Variants in CDC25C observed in about 807,000 individuals in gnomAD.
The protein encoded by CDC25C is M-phase inducer phosphatase 3.
In CDC25C, 48 loss-of-function variants were observed where a neutral mutation model predicts 52.5. That is an observed-to-expected ratio of 0.91 (90% CI 0.72 to 1.16). The LOEUF (loss-of-function observed/expected upper bound fraction) is 1.16, where lower values mean the gene tolerates loss of function less well. CDC25C is among the 50% of genes most tolerant of loss of function. The pLI, the probability that CDC25C is intolerant of heterozygous loss-of-function variation, is 0.00. For synonymous variants in CDC25C, 187 were observed against 206.5 expected, an observed-to-expected ratio of 0.91 and a Z score of 0.81; for missense variants, 510 against 566.1, an observed-to-expected ratio of 0.90 and a Z score of 1.01.
At position 138,338,096 on chromosome 5, in the gene CDC25C, C is replaced by A. The variant is rs1000431470; in HGVS notation, c.-128G>T. 3.1e-6 allele frequency: 4 copies of A among 1,289,688 alleles called. No homozygotes were observed. In the African/African-American group the frequency reaches 6.1e-5, roughly 20 times the overall value. 79.9% of individuals were successfully genotyped at this position (1,289,688 alleles called of 1,614,324 possible). On this transcript the variant is annotated 5_prime_UTR_variant, in exon 1 of 6. Transcript: ENST00000510119. ...CTAAATCAAAGCGCCAGGCTCGTTC[C>A]CAACAGCGCTGTCCGAGAGACACTT...
intron 4 of CDC25C, 34 bp downstream of exon 4, chr5:138,328,449 CT>C: frequency 6.2e-7 from 1 of 1,604,914 alleles, no homozygotes. Flanking sequence ...TGCTAAAAGG[CT>C]TTTGTGTGGG....
At chr5:138,324,481 C>T (rs1048378215) in intron 6 of CDC25C, among the ~76,000 whole-genome samples, 2 of 151,508 alleles carry the variant, frequency 1.3e-5, no homozygotes, top group Non-Finnish European at 2.9e-5. Flanking sequence ...TTGATGCTGT[C>T]GGGCATGGTG....
upstream of CDC25C, chr5:138,332,077 G>A (rs544592730): frequency 2.3e-5 from 4 of 176,508 alleles, no homozygotes; most frequent in Non-Finnish European, 4.4e-5. Flanking sequence ...CGCATCATTG[G>A]CTCTCCCTCT....
chr5:138,331,521 T>TG, intron 1 of CDC25C, 74 bp downstream of exon 1: 1 of 1,074,286 alleles, frequency 9.3e-7, no homozygotes, highest in Non-Finnish European at 1.2e-6. Context: ...CCTCTGTCTG[T>TG]GGGGGCCCGA....
intron 7 of CDC25C, among the ~76,000 whole-genome samples, chr5:138,299,956 G>A (rs983342059): frequency 6.6e-6 from 1 of 152,086 alleles, no homozygotes; most frequent in Non-Finnish European, 1.5e-5. Flanking sequence ...AAATAAAAAG[G>A]ATCATGAAGA....
At chr5:138,295,425 C>A (rs954725132) in intron 7 of CDC25C, among the ~76,000 whole-genome samples, 3 of 152,056 alleles carry the variant, frequency 2.0e-5, no homozygotes, top group Non-Finnish European at 4.4e-5. Flanking sequence ...CCAGCTTGGG[C>A]AACATGGTGA....
chr5:138,298,764 T>A (rs544686827), intron 7 of CDC25C, among the ~76,000 whole-genome samples: 5 of 148,826 alleles, frequency 3.4e-5, no homozygotes, highest in East Asian at 2.0e-4. Context: ...TAAAATAAAA[T>A]AAAAATAAAA....
upstream of CDC25C, among the ~76,000 whole-genome samples, chr5:138,334,517 A>G (rs1760592613): frequency 6.6e-6 from 1 of 151,034 alleles, no homozygotes; most frequent in African/African-American, 2.4e-5. Context: ...ACACCTGGCT[A>G]ATTTTTGTAT....
intron 6 of CDC25C, among the ~76,000 whole-genome samples, chr5:138,324,800 G>T (rs533791916): frequency 6.6e-6 from 1 of 152,110 alleles, no homozygotes; most frequent in East Asian, 1.9e-4. Flanking sequence ...GCCAGGCAGT[G>T]GCTCACACCT....
chr5:138,294,499 A>ATTT (rs762737768), intron 7 of CDC25C, among the ~76,000 whole-genome samples: 9 of 95,972 alleles, frequency 9.4e-5, no homozygotes, highest in African/African-American at 2.6e-4. Context: ...CACTCAGCTA[A>ATTT]TTTTTTTTTT....
At chr5:138,306,709 C>G (rs1226480995) in intron 7 of CDC25C, among the ~76,000 whole-genome samples, 1 of 151,566 alleles carries the variant, frequency 6.6e-6, no homozygotes, top group African/African-American at 2.4e-5. Context: ...TTCCTGACCT[C>G]AGGTGATCTG....
chr5:138,306,605 A>C (rs112634886), intron 7 of CDC25C, among the ~76,000 whole-genome samples: 14 of 151,918 alleles, frequency 9.2e-5, no homozygotes, highest in Non-Finnish European at 1.6e-4. Flanking sequence ...CCTCCCAAGT[A>C]GCTGAGATTA....
rs70982706 is a variant in CDC25C at position 138,317,682 on chromosome 5, TAAAAAAAAAAAA to T, written c.615+1525_615+1536del. Among the ~76,000 whole-genome samples, 18 of 54,268 alleles carry T rather than the reference TAAAAAAAAAAAA, an allele frequency of 3.3e-4. No homozygotes were observed. In the East Asian group the frequency reaches 0.012, roughly 37 times the overall value. The allele number at this position is 54,268 out of a possible 152,430, so 35.6% of individuals were successfully genotyped here. A position where few individuals can be genotyped will look rare whatever the true frequency, so the allele number is the denominator to read the frequency against. ...GCTACAGAGAAAGACCCTGTCTATC[TAAAAAAAAAAAA>T]AAAAAAAAAAAAACCAAAAACCAAA... On this transcript the variant is annotated intron_variant, in intron 7 of 13. Transcript: ENST00000323760.
intron 7 of CDC25C, among the ~76,000 whole-genome samples, chr5:138,318,028 A>G (rs1267592639): frequency 6.6e-6 from 1 of 152,066 alleles, no homozygotes; most frequent in Non-Finnish European, 1.5e-5. Flanking sequence ...AGGTAACCCT[A>G]CAGTCTAAAG....
chr5:138,297,481 C>T (rs1483442197), intron 7 of CDC25C, among the ~76,000 whole-genome samples: 2 of 152,156 alleles, frequency 1.3e-5, no homozygotes, highest in Non-Finnish European at 2.9e-5. Flanking sequence ...CCTATCAAAC[C>T]TCTAATAGAT....
intron 4 of CDC25C, among the ~76,000 whole-genome samples, chr5:138,327,457 C>T (rs572807313): frequency 6.6e-6 from 1 of 151,642 alleles, no homozygotes; most frequent in Non-Finnish European, 1.5e-5. Flanking sequence ...ATGGTGAAGC[C>T]TCCATTTTTG....
upstream of CDC25C, among the ~76,000 whole-genome samples, chr5:138,336,138 T>G (rs1277941060): frequency 6.7e-6 from 1 of 149,150 alleles, no homozygotes; most frequent in Admixed American, 6.7e-5. Flanking sequence ...TTCATTTGTT[T>G]TTTTTTTTTT....
chr5:138,296,464 G>A (rs1021237386), intron 7 of CDC25C, among the ~76,000 whole-genome samples: 2 of 151,862 alleles, frequency 1.3e-5, no homozygotes, highest in South Asian at 2.1e-4. Context: ...AGTTTAGAGC[G>A]AAATGGCGTG....
At chr5:138,325,648 A>C (rs1759788729) in intron 6 of CDC25C, among the ~76,000 whole-genome samples, 167 bp downstream of exon 6, 1 of 152,138 alleles carries the variant, frequency 6.6e-6, no homozygotes, top group African/African-American at 2.4e-5. Flanking sequence ...CTAGGGCCAA[A>C]CTTTAATAAG....
Sources: gnomAD v4.1 joint callset for allele counts (sites outside exome capture counted in the v4.1 genomes callset) on GRCh38, gnomAD v4.1.1 for gene constraint, MANE v1.5 for transcripts, NCBI Gene and HGNC (gene_info 2026-07-23, HGNC 2026-07-21) for gene names.